ANKS1B: variants seen among roughly 807,000 people sequenced by gnomAD.
The protein encoded by ANKS1B is ankyrin repeat and sterile alpha motif domain containing 1B.
Under a neutral mutation model 148.3 loss-of-function variants are expected in ANKS1B, and 36 were observed. The observed-to-expected ratio is 0.24, with a 90% CI of 0.19 to 0.32. The LOEUF is 0.32. ANKS1B is among the 10% of genes least tolerant of loss of function. The pLI, the probability that ANKS1B is intolerant of heterozygous loss-of-function variation, is 1.00. For missense variants in ANKS1B, 1,157 were observed against 1,542.6 expected (o/e 0.75, Z 4.19); for synonymous variants, 542 against 560.8 (o/e 0.97, Z 0.47).
At chr12:99,137,280 A>C (rs974032590) in intron 15 of ANKS1B, among the ~76,000 whole-genome samples, 7 of 152,194 alleles carry the variant, frequency 4.6e-5, no homozygotes, top group African/African-American at 1.7e-4. Context: ...GTCACCACTG[A>C]TGCCAATGTA....
intron 17 of ANKS1B, among the ~76,000 whole-genome samples, chr12:99,027,904 T>C (rs1022938275): frequency 3.3e-5 from 5 of 152,368 alleles, no homozygotes; most frequent in African/African-American, 4.8e-5. Context: ...AAAAATGTCA[T>C]TTGTTATGAT....
At chr12:98,944,302 CAAAAAAA>C (rs11313441) in intron 17 of ANKS1B, among the ~76,000 whole-genome samples, 2 of 88,046 alleles carry the variant, frequency 2.3e-5, no homozygotes, top group South Asian at 4.7e-4. Context: ...CTCCACCTCA[CAAAAAAA>C]AAAAAAAAAA....
At chr12:98,794,835 G>A in intron 22 of ANKS1B, 1 of 1,600,198 alleles carries the variant, frequency 6.2e-7, no homozygotes. Context: ...AAGAGCTACA[G>A]AAAGTTCAGG....
chr12:99,313,765 T>C (rs939352896), intron 12 of ANKS1B, among the ~76,000 whole-genome samples: 7 of 152,156 alleles, frequency 4.6e-5, no homozygotes, highest in African/African-American at 1.7e-4. Flanking sequence ...ATGGAACACA[T>C]CTCAAAATAA....
chr12:99,608,914 A>G (rs1289950835), intron 9 of ANKS1B, among the ~76,000 whole-genome samples: 1 of 152,054 alleles, frequency 6.6e-6, no homozygotes, highest in Non-Finnish European at 1.5e-5. Flanking sequence ...TGAATGGAAG[A>G]TAGACGGTGG....
At chr12:99,676,572 A>T (rs889438218) in intron 8 of ANKS1B, among the ~76,000 whole-genome samples, 2 of 152,226 alleles carry the variant, frequency 1.3e-5, no homozygotes, top group Non-Finnish European at 2.9e-5. Flanking sequence ...ATTGCCAAAT[A>T]ATTTATAAAA....
chr12:99,562,375 T>G (rs934711764), intron 9 of ANKS1B, among the ~76,000 whole-genome samples: 1 of 152,228 alleles, frequency 6.6e-6, no homozygotes, highest in Non-Finnish European at 1.5e-5. Flanking sequence ...CTTTGTAGAT[T>G]TGAAGCCAGG....
chr12:99,829,643 C>T (rs920085931), intron 1 of ANKS1B, among the ~76,000 whole-genome samples: 3 of 151,470 alleles, frequency 2.0e-5, no homozygotes, highest in African/African-American at 4.9e-5. Context: ...AGCGAGACTC[C>T]GTCTCAAAAA....
At chr12:99,154,201 G>A in intron 15 of ANKS1B, 88 bp downstream of exon 15, 2 of 1,520,004 alleles carry the variant, frequency 1.3e-6, no homozygotes, top group Non-Finnish European at 1.8e-6. Context: ...CAGTTTTGGT[G>A]CAAATCAGGC....
chr12:99,641,300 A>C (rs1320849811), intron 9 of ANKS1B, among the ~76,000 whole-genome samples: 1 of 152,222 alleles, frequency 6.6e-6, no homozygotes, highest in Non-Finnish European at 1.5e-5. Context: ...CATTTTAAAG[A>C]AGCAGCAGCA....
intron 8 of ANKS1B, among the ~76,000 whole-genome samples, chr12:99,720,214 T>C (rs2057932377): frequency 6.6e-6 from 1 of 152,212 alleles, no homozygotes. Flanking sequence ...CCCTTTCCCA[T>C]ACATCAAGCT....
chr12:99,198,102 T>C (rs1181014825), intron 14 of ANKS1B, among the ~76,000 whole-genome samples: 1 of 152,092 alleles, frequency 6.6e-6, no homozygotes, highest in Non-Finnish European at 1.5e-5. Flanking sequence ...AAGCCTTCCT[T>C]AGCATCACTC....
intron 17 of ANKS1B, among the ~76,000 whole-genome samples, chr12:98,910,346 TG>T (rs1285430982): frequency 1.3e-5 from 2 of 152,192 alleles, no homozygotes; most frequent in Non-Finnish European, 2.9e-5. Context: ...TGTTTGCTTT[TG>T]TTGAGGATGA....
chr12:98,875,544 T>G (rs2099686667), intron 17 of ANKS1B, among the ~76,000 whole-genome samples: 1 of 152,206 alleles, frequency 6.6e-6, no homozygotes, highest in South Asian at 2.1e-4. Flanking sequence ...TCCTTCAGGA[T>G]GCCATGCAGA....
At chr12:99,023,340 A>G (rs2153444064) in intron 17 of ANKS1B, among the ~76,000 whole-genome samples, 1 of 152,250 alleles carries the variant, frequency 6.6e-6, no homozygotes, top group South Asian at 2.1e-4. Context: ...GCAAAGTTTT[A>G]AAGTCTTTTT....
At chr12:99,027,710 AGACAGGCTTGTGCCT>A (rs1481181353) in intron 17 of ANKS1B, among the ~76,000 whole-genome samples, 1 of 152,238 alleles carries the variant, frequency 6.6e-6, no homozygotes, top group East Asian at 1.9e-4. Context: ...ACATGCCATC[AGACAGGCTTGTGCCT>A]GCATGTCTTG....
intron 24 of ANKS1B, 32 bp downstream of exon 24, chr12:98,781,085 G>T: frequency 7.4e-7 from 1 of 1,343,236 alleles, no homozygotes; most frequent in South Asian, 1.3e-5. Flanking sequence ...ACTGCATCTG[G>T]TGTCTAAACC....
intron 15 of ANKS1B, among the ~76,000 whole-genome samples, chr12:99,102,556 C>CA (rs552601358): frequency 1.4e-3 from 210 of 152,168 alleles, no homozygotes; most frequent in African/African-American, 4.8e-3. Context: ...ACAGCCTAGG[C>CA]AACATAGGAA....
At chr12:99,602,376 C>A (rs1283131705) in intron 9 of ANKS1B, among the ~76,000 whole-genome samples, 1 of 151,984 alleles carries the variant, frequency 6.6e-6, no homozygotes, top group Non-Finnish European at 1.5e-5. Flanking sequence ...CAAACTTAGT[C>A]CTCCATATGG....
Sources: gnomAD v4.1 joint callset for allele counts (sites outside exome capture counted in the v4.1 genomes callset) on GRCh38, gnomAD v4.1.1 for gene constraint, MANE v1.5 for transcripts, NCBI Gene and HGNC (gene_info 2026-07-23, HGNC 2026-07-21) for gene names.